CHD9: variants seen among roughly 807,000 people sequenced by gnomAD.
CHD9 encodes ATP-dependent chromatin remodeler CHD9.
CHD9 carries 77 observed loss-of-function variants against 316.1 expected under a neutral mutation model. The observed-to-expected ratio is 0.24, with a 90% CI of 0.20 to 0.29. CHD9 has a LOEUF of 0.29. CHD9 is among the 10% of genes least tolerant of loss of function. The pLI is 1.00. For missense variants in CHD9, 2,763 were observed against 3,438.1 expected, an observed-to-expected ratio of 0.80 and a Z score of 4.91; for synonymous variants, 1,129 against 1,158.3, an observed-to-expected ratio of 0.97 and a Z score of 0.51.
At chr16:53,096,791 A>C (rs1382564994) in intron 1 of CHD9, among the ~76,000 whole-genome samples, 2 of 152,170 alleles carry the variant, frequency 1.3e-5, no homozygotes, top group African/African-American at 4.8e-5. Context: ...AAGGGGTCCT[A>C]TCTGGTGACA....
At chr16:53,319,424 A>G (rs2057114944) in intron 37 of CHD9, among the ~76,000 whole-genome samples, 1 of 152,232 alleles carries the variant, frequency 6.6e-6, no homozygotes. Flanking sequence ...ATTGTTGGGT[A>G]CACCAACTCT....
At chr16:53,296,598 G>A (rs1167479079) in intron 29 of CHD9, among the ~76,000 whole-genome samples, 3 of 151,866 alleles carry the variant, frequency 2.0e-5, no homozygotes, top group South Asian at 4.2e-4. Flanking sequence ...CCGCCACCAT[G>A]CCCAGCTAAT....
intron 1 of CHD9, among the ~76,000 whole-genome samples, chr16:53,115,675 C>G (rs1172513651): frequency 1.3e-5 from 2 of 152,164 alleles, no homozygotes; most frequent in Non-Finnish European, 2.9e-5. Flanking sequence ...GTGTAAGATA[C>G]ACATTTATTC....
intron 2 of CHD9, among the ~76,000 whole-genome samples, chr16:53,197,659 G>C (rs2045047501): frequency 7.1e-6 from 1 of 141,300 alleles, no homozygotes; most frequent in Non-Finnish European, 1.5e-5. Flanking sequence ...GAATATTCTA[G>C]CTTTTTTTTT....
intron 3 of CHD9, among the ~76,000 whole-genome samples, chr16:53,217,679 A>T (rs995104573): frequency 2.0e-5 from 3 of 152,226 alleles, no homozygotes; most frequent in Non-Finnish European, 2.9e-5. Context: ...AATCTATAAT[A>T]AATTGGTAAG....
chr16:53,197,333 C>T (rs2045012152), intron 2 of CHD9, among the ~76,000 whole-genome samples: 1 of 152,102 alleles, frequency 6.6e-6, no homozygotes. Flanking sequence ...ATCCTGTGTC[C>T]TGTTTTTAAT....
chr16:53,235,020 G>A (rs2048502911), intron 10 of CHD9, 165 bp from the exon 11 acceptor site: 1 of 454,520 alleles, frequency 2.2e-6, no homozygotes, highest in Non-Finnish European at 3.8e-6. Flanking sequence ...CAGTTTTCTG[G>A]AAGAGTTGTA....
At chr16:53,196,943 AG>A (rs2044978179) in intron 2 of CHD9, among the ~76,000 whole-genome samples, 2 of 152,242 alleles carry the variant, frequency 1.3e-5, no homozygotes, top group East Asian at 3.8e-4. Context: ...AGAAAAGTAT[AG>A]AATAGTGATT....
chr16:53,324,325 T>TAAAAA lies in CHD9; in HGVS notation c.8124_8125insAAAAA (p.Ala2709LysfsTer25). On this transcript the variant is annotated frameshift_variant, in exon 39 of 39. Transcript: ENST00000447540. LOFTEE classifies it high-confidence loss of function. ...CTGGAGGAGAAGCTAAAAACATGGCTGCTATGTTCCCCATGCTGCTGTCAG... is the reference window on the plus strand; with the variant it reads ...CTGGAGGAGAAGCTAAAAACATGGCTAAAAAGCTATGTTCCCCATGCTGCTGTCAG... 1 of 1,613,974 alleles carries TAAAAA rather than the reference T, an allele frequency of 6.2e-7. No individual in the cohort carries two copies. Among genetic ancestry groups the TAAAAA allele is most frequent in the Non-Finnish European group, 8.5e-7 (1 of 1,179,850 alleles).
At chr16:53,217,923 TC>T (rs1360047759) in intron 3 of CHD9, among the ~76,000 whole-genome samples, 1 of 48,382 alleles carries the variant, frequency 2.1e-5, no homozygotes, top group African/African-American at 7.4e-5. Context: ...TTTCTTTCTT[TC>T]TTTCTTTCTT....
At chr16:53,153,631 C>T (rs1401394591) in intron 1 of CHD9, among the ~76,000 whole-genome samples, 4 of 152,108 alleles carry the variant, frequency 2.6e-5, no homozygotes. Context: ...CAGGCTCAAG[C>T]GATCCTCCCA....
At chr16:53,273,829 G>A in intron 23 of CHD9, 44 bp downstream of exon 23, 1 of 1,521,820 alleles carries the variant, frequency 6.6e-7, no homozygotes, top group Non-Finnish European at 9.0e-7. Context: ...AATGTTTACT[G>A]TTCTGAATTT....
At chr16:53,228,108 T>A (rs2047814405) in intron 7 of CHD9, among the ~76,000 whole-genome samples, 1 of 152,090 alleles carries the variant, frequency 6.6e-6, no homozygotes, top group South Asian at 2.1e-4. Flanking sequence ...TTAAATTTTT[T>A]TTATTTTCCA....
intron 2 of CHD9, chr16:53,208,236 G>A: frequency 1.5e-5 from 18 of 1,203,832 alleles, no homozygotes; most frequent in Non-Finnish European, 1.9e-5. Context: ...GGCCATTTAG[G>A]AATCTTCTTT....
chr16:53,297,345 G>A (rs150464654), intron 30 of CHD9, among the ~76,000 whole-genome samples, 187 bp downstream of exon 30: 4 of 152,196 alleles, frequency 2.6e-5, no homozygotes, highest in Non-Finnish European at 4.4e-5. Context: ...CTATTAAAAC[G>A]AGATCTAAAG....
chr16:53,073,299 C>A (rs1002072172), intron 1 of CHD9, among the ~76,000 whole-genome samples: 1 of 152,162 alleles, frequency 6.6e-6, no homozygotes, highest in Non-Finnish European at 1.5e-5. Flanking sequence ...CGTGTCGTAG[C>A]CTATGTCAGC....
intron 26 of CHD9, 60 bp from the exon 27 acceptor site, chr16:53,287,897 C>G (rs973639266): frequency 3.8e-6 from 5 of 1,322,340 alleles, no homozygotes; most frequent in Admixed American, 1.7e-5. Flanking sequence ...AGACTTTGTC[C>G]TATCAAGTGA....
intron 29 of CHD9, among the ~76,000 whole-genome samples, chr16:53,293,806 C>G (rs2054553770): frequency 6.6e-6 from 1 of 152,026 alleles, no homozygotes; most frequent in Non-Finnish European, 1.5e-5. Flanking sequence ...CAAAAATTAG[C>G]CAGGTGTGGT....
intron 2 of CHD9, among the ~76,000 whole-genome samples, chr16:53,199,705 T>C (rs1231979029): frequency 1.3e-5 from 2 of 152,192 alleles, no homozygotes; most frequent in African/African-American, 4.8e-5. Flanking sequence ...GAACATGTAG[T>C]TTCCATTTGC....
Sources: allele counts gnomAD v4.1 joint callset (sites outside exome capture counted in the v4.1 genomes callset), GRCh38; gene constraint gnomAD v4.1.1; transcripts MANE v1.5; gene names NCBI Gene and HGNC (gene_info 2026-07-23, HGNC 2026-07-21).